Variants in CAMKK1 observed in about 807,000 individuals in gnomAD.
The protein encoded by CAMKK1 is calcium/calmodulin-dependent protein kinase kinase 1.
A neutral mutation model predicts 63.5 loss-of-function variants in CAMKK1; 20 were observed. The ratio of observed to expected loss-of-function variants is 0.32; its 90% CI spans 0.22 to 0.46. CAMKK1 has a LOEUF of 0.46. Among genes scored for constraint, CAMKK1 ranks in the 20% least tolerant of loss-of-function variants. The pLI, the probability that CAMKK1 is intolerant of heterozygous loss-of-function variation, is 1.00. For synonymous variants in CAMKK1, 253 were observed against 269.0 expected (o/e 0.94, Z 0.58); for missense variants, 588 against 658.1 (o/e 0.89, Z 1.17).
Position 3,883,832 on chromosome 17 carries a change from A to C in CAMKK1, c.462+52T>G. On this transcript the variant is annotated intron_variant, in intron 4 of 15. Transcript: ENST00000348335. The surrounding 1 kb of genome is among the most constrained non-coding windows in gnomAD (Gnocchi z 4.7). ...AAGCACAACTCCTGCCCCACCCCTC[A>C]GGCTTCCAGGGCCTGGCTTGGGCAA... 1 of 1,587,984 alleles carries C rather than the reference A, an allele frequency of 6.3e-7. No individual in the cohort carries two copies. Among genetic ancestry groups the C allele is most frequent in the Non-Finnish European group, 8.6e-7 (1 of 1,157,330 alleles).
rs922397439 is a variant in CAMKK1 at position 3,887,801 on chromosome 17, A to G, written c.-43-2071T>C. On this transcript the variant is annotated intron_variant, in intron 1 of 15. Transcript: ENST00000348335. The surrounding 1 kb of genome is among the most constrained non-coding windows in gnomAD (Gnocchi z 6.1). ...TTGGAAACCAGACAGCATAGGAAGG[A>G]GGAAGCCAAAGCTGGGAACACCCTC... is the stretch of plus-strand genomic sequence containing the variant. Among the ~76,000 whole-genome samples the G allele has an allele frequency of 1.3e-5, 2 of 152,126 alleles. No homozygotes were observed. The highest frequency in any genetic ancestry group is 4.8e-5 in the African/African-American group (2 of 41,414).
chr17:3,873,830 C>T (rs2055017256), intron 10 of CAMKK1, among the ~76,000 whole-genome samples: 1 of 152,210 alleles, frequency 6.6e-6, no homozygotes, highest in South Asian at 2.1e-4. Flanking sequence ...ACTAAACCAG[C>T]TCGGGCTTCA....
intron 12 of CAMKK1, among the ~76,000 whole-genome samples, chr17:3,871,559 T>C (rs916436215): frequency 2.0e-5 from 3 of 150,020 alleles, no homozygotes; most frequent in Admixed American, 1.3e-4. Context: ...GGTTTCACCG[T>C]GTTAGCCAGG....
At position 3,877,156 on chromosome 17, in the gene CAMKK1, C is replaced by T. The variant is rs191252981; in HGVS notation, c.797-734G>A. Among the ~76,000 whole-genome samples the T allele has an allele frequency of 8.7e-4, 133 of 152,256 alleles. 1 individual carries two copies. The highest frequency in any genetic ancestry group is 2.9e-4 in the Non-Finnish European group (20 of 68,014). On this transcript the variant is annotated intron_variant, in intron 9 of 15. Transcript: ENST00000348335. Reference sequence around the variant, plus strand: ...AACCTTTCTCCAGTTCCATCCCCCACCCAGGCTAGGCAAAGATGTCCCTGC... The same window carrying T: ...AACCTTTCTCCAGTTCCATCCCCCATCCAGGCTAGGCAAAGATGTCCCTGC...
intron 9 of CAMKK1, chr17:3,880,140 G>A: frequency 1.7e-6 from 1 of 585,822 alleles, no homozygotes; most frequent in Non-Finnish European, 3.1e-6. Context: ...CGAAGGATCT[G>A]GCACATGCCC....
intron 12 of CAMKK1, among the ~76,000 whole-genome samples, chr17:3,871,333 G>GTTTTTTTTTTTTTTTTTTTTTTTTTTTTT (rs71155812): frequency 1.8e-5 from 2 of 111,042 alleles, no homozygotes; most frequent in Non-Finnish European, 1.9e-5. Flanking sequence ...GTTGTTTTTT[G>GTTTTTTTTTTTTTTTTTTTTTTTTTTTTT]TTTTTTTTTT....
At position 3,887,888 on chromosome 17, in the gene CAMKK1, C is replaced by A. The variant is rs2055725212; in HGVS notation, c.-43-2158G>T. The stretch of plus-strand genomic sequence containing the variant: ...CCCTCCGCCCCTTCCCCTCACTCCG[C>A]ATGCCTTGTTTTTCCCTCCCGAATG... On this transcript the variant is annotated intron_variant, in intron 1 of 15. Transcript: ENST00000348335. This position sits in a 1 kb window ranked among gnomAD's most constrained non-coding sequence, Gnocchi z 6.1. 6.6e-6 allele frequency among the ~76,000 whole-genome samples: 1 copy of A among 152,196 alleles called. No individual in the cohort carries two copies. Among genetic ancestry groups the A allele is most frequent in the Non-Finnish European group, 1.5e-5 (1 of 68,022 alleles).
chr17:3,884,053 C>T lies in CAMKK1; in HGVS notation c.409-116G>A. ...TCCTGCACCCCATCTGCACTACCCA[C>T]CACCAGCTGGCTCACGGGCAAATAT... is the stretch of plus-strand genomic sequence containing the variant. On this transcript the variant is annotated intron_variant, in intron 3 of 15. Coordinates refer to ENST00000348335, the MANE Select transcript of CAMKK1 (RefSeq NM_032294.3). This position sits in a 1 kb window ranked among gnomAD's most constrained non-coding sequence, Gnocchi z 4.5. The T allele has an allele frequency of 2.0e-6, 2 of 1,003,556 alleles. No homozygotes were observed. The highest frequency in any genetic ancestry group is 2.6e-5 in the South Asian group (2 of 75,714). The allele number at this position is 1,003,556 out of a possible 1,614,324, so 62.2% of individuals were successfully genotyped here. A position where few individuals can be genotyped will look rare whatever the true frequency, so the allele number is the denominator to read the frequency against.
At chr17:3,868,229 G>A (rs1177732569) in intron 14 of CAMKK1, among the ~76,000 whole-genome samples, 3 of 38,082 alleles carry the variant, frequency 7.9e-5, no homozygotes, top group African/African-American at 7.2e-4. Context: ...AGAAGCAGGC[G>A]CCGTCTAACT....
At chr17:3,873,362 C>T (rs964962433) in intron 11 of CAMKK1, 47 bp downstream of exon 11, 24 of 1,583,604 alleles carry the variant, frequency 1.5e-5, no homozygotes, top group Admixed American at 5.0e-5. Flanking sequence ...CGCCCGTGCC[C>T]GCCTCACTGG....
rs536048823 is a variant in CAMKK1, at chr17:3,860,452, C to T, written c.*1759G>A. 6.5e-6 allele frequency: 1 copy of T among 152,720 alleles called. No homozygotes were observed. The highest frequency in any genetic ancestry group is 6.5e-5 in the Admixed American group (1 of 15,294). 9.5% of individuals were successfully genotyped at this position (152,720 alleles called of 1,614,324 possible). On this transcript the variant is annotated 3_prime_UTR_variant, in exon 16 of 16. Transcript: ENST00000348335. The stretch of plus-strand genomic sequence containing the variant: ...CAAAAACAACGATGCCAACCAAAAC[C>T]CTCAGTGACAGGGTGAGCATCCCAC...
intron 10 of CAMKK1, among the ~76,000 whole-genome samples, chr17:3,874,965 A>G (rs1842659404): frequency 6.6e-6 from 1 of 151,954 alleles, no homozygotes; most frequent in African/African-American, 2.4e-5. Context: ...ACTAAAAAAT[A>G]CAAAAAATTA....
Position 3,862,087 on chromosome 17 carries a change from A to C in CAMKK1, c.*124T>G. ...TGGAGGTCATGCAGCACGATGGGGG[A>C]GGGGCGGGAGTGGGGCTGCAGTCCC... On this transcript the variant is annotated 3_prime_UTR_variant, in exon 16 of 16. Coordinates refer to ENST00000348335, the MANE Select transcript of CAMKK1 (RefSeq NM_032294.3). The surrounding 1 kb of genome is among the most constrained non-coding windows in gnomAD (Gnocchi z 4.1). 1.4e-6 allele frequency: 1 copy of C among 689,742 alleles called. No homozygotes were observed. The highest frequency in any genetic ancestry group is 2.5e-6 in the Non-Finnish European group (1 of 401,530). 42.7% of individuals were successfully genotyped at this position (689,742 alleles called of 1,614,324 possible).
chr17:3,881,127 G>A (rs1411446353), intron 8 of CAMKK1, among the ~76,000 whole-genome samples: 1 of 152,154 alleles, frequency 6.6e-6, no homozygotes, highest in Non-Finnish European at 1.5e-5. Flanking sequence ...AGCCGCATAG[G>A]GCAGACATGT....
Position 3,882,100 on chromosome 17 carries a change from G to A in CAMKK1, c.685+428C>T, listed in dbSNP as rs2143869170. 1 of 585,374 alleles carries A rather than the reference G, an allele frequency of 1.7e-6. No individual in the cohort carries two copies. The highest frequency in any genetic ancestry group is 3.0e-6 in the Non-Finnish European group (1 of 331,746). The allele number at this position is 585,374 out of a possible 1,614,324, so 36.3% of individuals were successfully genotyped here. On this transcript the variant is annotated intron_variant, in intron 7 of 15. Coordinates refer to ENST00000348335, the MANE Select transcript of CAMKK1 (RefSeq NM_032294.3). The surrounding 1 kb of genome is among the most constrained non-coding windows in gnomAD (Gnocchi z 4.3). ...AAAATAATAACATTACTATTAACAA[G>A]GATAATAACGAATGTGCTTTACATA... is the stretch of plus-strand genomic sequence containing the variant.
chr17:3,892,420 C>A lies in CAMKK1; in HGVS notation c.-44+519G>T, dbSNP rs1360477655. Among the ~76,000 whole-genome samples the A allele has an allele frequency of 3.3e-5, 5 of 152,248 alleles. No individual in the cohort carries two copies. The East Asian group carries it at 9.7e-4, about 29-fold the overall frequency. ...TCCCGGGCCCCGAAGCCGCAGCGCC[C>A]GCCTCTGCCGCCCCCTCTCGCCCCA... On this transcript the variant is annotated intron_variant, in intron 1 of 15. Transcript: ENST00000348335. The surrounding 1 kb of genome is among the most constrained non-coding windows in gnomAD (Gnocchi z 7.5).
intron 15 of CAMKK1, chr17:3,865,466 A>G: frequency 2.0e-6 from 2 of 1,005,158 alleles, no homozygotes; most frequent in Non-Finnish European, 2.4e-6. Flanking sequence ...CAGAGGGGCC[A>G]GCACCCCTCC....
At chr17:3,886,708 T>C (rs2055668112) in intron 1 of CAMKK1, among the ~76,000 whole-genome samples, 1 of 152,080 alleles carries the variant, frequency 6.6e-6, no homozygotes, top group South Asian at 2.1e-4. Flanking sequence ...ACTCATGTTC[T>C]CAAACTCACT....
intron 14 of CAMKK1, among the ~76,000 whole-genome samples, chr17:3,867,698 T>A (rs965264443): frequency 1.2e-4 from 19 of 152,148 alleles, no homozygotes; most frequent in Middle Eastern, 3.4e-3. Flanking sequence ...TGGTCCCAGC[T>A]GGGCCGGGAC....
Sources: gnomAD v4.1 joint callset for allele counts (sites outside exome capture counted in the v4.1 genomes callset) on GRCh38, gnomAD v4.1.1 for gene constraint, Gnocchi (gnomAD v3.1) non-coding constraint, MANE v1.5 for transcripts, NCBI Gene and HGNC (gene_info 2026-07-23, HGNC 2026-07-21) for gene names.